GRM5: variants seen among roughly 807,000 people sequenced by gnomAD.
The protein encoded by GRM5 is glutamate metabotropic receptor 5.
A neutral mutation model predicts 83.1 loss-of-function variants in GRM5; 19 were observed. That is an observed-to-expected ratio of 0.23 (90% CI 0.16 to 0.34). GRM5 has a LOEUF of 0.34. GRM5 is among the 10% of genes least tolerant of loss of function. The pLI is 1.00. For missense variants in GRM5, 1,160 were observed against 1,588.3 expected (o/e 0.73, Z 4.58); for synonymous variants, 675 against 633.6 (o/e 1.07, Z -0.98).
chr11:88,947,796 T>C (rs1005903039), intron 2 of GRM5, among the ~76,000 whole-genome samples: 5 of 152,190 alleles, frequency 3.3e-5, no homozygotes, highest in African/African-American at 1.2e-4. Context: ...AGTAAATAAA[T>C]ATCTACTATG....
At chr11:89,060,754 G>A (rs924694076) in intron 1 of GRM5, among the ~76,000 whole-genome samples, 1 of 151,982 alleles carries the variant, frequency 6.6e-6, no homozygotes, top group African/African-American at 2.4e-5. Flanking sequence ...ATGTTTTTTA[G>A]AAACACATTT....
At chr11:88,657,053 GC>G (rs146343126) in intron 3 of GRM5, among the ~76,000 whole-genome samples, 6 of 152,124 alleles carry the variant, frequency 3.9e-5, no homozygotes, top group African/African-American at 1.4e-4. Flanking sequence ...TAAATAAGTT[GC>G]ATGAATAAAG....
intron 1 of GRM5, among the ~76,000 whole-genome samples, chr11:89,065,317 G>A (rs1264651379): frequency 6.8e-6 from 1 of 146,132 alleles, no homozygotes. Flanking sequence ...CACACAGACA[G>A]AGGGAGAGAG....
chr11:88,733,126 C>T (rs1941841199), intron 3 of GRM5, among the ~76,000 whole-genome samples: 1 of 151,918 alleles, frequency 6.6e-6, no homozygotes, highest in Non-Finnish European at 1.5e-5. Context: ...CTACCTTGTA[C>T]TATAACGTGT....
At chr11:88,990,700 G>A in intron 2 of GRM5, among the ~76,000 whole-genome samples, 1 of 150,986 alleles carries the variant, frequency 6.6e-6, no homozygotes, top group African/African-American at 2.4e-5. Flanking sequence ...ATGCAAGGCT[G>A]GTTCAATATA....
chr11:88,554,870 C>T (rs1225262224), intron 8 of GRM5, among the ~76,000 whole-genome samples: 1 of 152,136 alleles, frequency 6.6e-6, no homozygotes, highest in African/African-American at 2.4e-5. Context: ...TAGCAAGCCT[C>T]TTATAATGGC....
At chr11:88,994,737 A>G (rs539096869) in intron 2 of GRM5, among the ~76,000 whole-genome samples, 33 of 151,686 alleles carry the variant, frequency 2.2e-4, no homozygotes, top group Admixed American at 9.2e-4. Context: ...GTTTTTTTAC[A>G]AAATCATTGT....
intron 8 of GRM5, among the ~76,000 whole-genome samples, chr11:88,544,794 AGAG>A (rs754093272): frequency 6.6e-6 from 1 of 152,248 alleles, no homozygotes; most frequent in Non-Finnish European, 1.5e-5. Context: ...ACTCATTACA[AGAG>A]GAGGCTGGAA....
intron 2 of GRM5, among the ~76,000 whole-genome samples, chr11:88,960,887 A>G (rs1057023631): frequency 2.0e-5 from 3 of 152,176 alleles, no homozygotes; most frequent in Non-Finnish European, 2.9e-5. Flanking sequence ...TGATTACATT[A>G]TATATAAAAA....
chr11:88,703,317 T>G (rs1341953530), intron 3 of GRM5, among the ~76,000 whole-genome samples: 1 of 152,114 alleles, frequency 6.6e-6, no homozygotes, highest in Non-Finnish European at 1.5e-5. Flanking sequence ...TTTACTATAC[T>G]CTAAAGAATA....
chr11:88,633,068 A>G (rs143210686), intron 4 of GRM5, among the ~76,000 whole-genome samples: 8 of 152,352 alleles, frequency 5.3e-5, no homozygotes, highest in African/African-American at 1.4e-4. Flanking sequence ...GTTGGCAGAT[A>G]GGTATAGGAG....
chr11:88,893,239 C>G (rs1280255486), intron 2 of GRM5, among the ~76,000 whole-genome samples: 1 of 151,596 alleles, frequency 6.6e-6, no homozygotes, highest in Non-Finnish European at 1.5e-5. Flanking sequence ...CACACCCTGG[C>G]TATATACAAA....
Position 88,508,971 on chromosome 11 carries a change from G to T in GRM5, c.3260C>A (p.Pro1087His), listed in dbSNP as rs1941269154. The T allele has an allele frequency of 6.3e-7, 1 of 1,587,290 alleles. No homozygotes were observed. The highest frequency in any genetic ancestry group is 1.8e-5 in the Admixed American group (1 of 55,782). ...SMMLSTAAPSPGVGAPLCSSY... is the reference protein window; with the variant it reads ...SMMLSTAAPSHGVGAPLCSSY... ...CGAGCAGAGCGGGGCGCCGACGCCG[G>T]GGCTGGGGGCCGCGGTGGACAGCAT... The change falls in exon 10 of 10, where the codon CCC (proline) becomes CAC (histidine). Residue 1087 changes from proline (P) to histidine (H), a missense_variant. Coordinates refer to ENST00000305447, the MANE Select transcript of GRM5 (RefSeq NM_001143831.3). This position sits in a 1 kb window ranked among gnomAD's most constrained non-coding sequence, Gnocchi z 4.2.
At chr11:88,822,172 C>T (rs1312377140) in intron 3 of GRM5, among the ~76,000 whole-genome samples, 1 of 151,938 alleles carries the variant, frequency 6.6e-6, no homozygotes, top group Non-Finnish European at 1.5e-5. Context: ...TAATATATGT[C>T]CTCTGGAATT....
chr11:88,809,626 T>C (rs565182620), intron 3 of GRM5, among the ~76,000 whole-genome samples: 149 of 152,138 alleles, frequency 9.8e-4, no homozygotes, highest in African/African-American at 3.5e-3. Flanking sequence ...ATAATAAACA[T>C]ACACTTGGGC....
chr11:88,748,962 A>G (rs1440691558), intron 3 of GRM5, among the ~76,000 whole-genome samples: 1 of 152,144 alleles, frequency 6.6e-6, no homozygotes, highest in Non-Finnish European at 1.5e-5. Context: ...TCAAAAGTCA[A>G]AGGTAGATCA....
At chr11:88,775,298 AT>A (rs147803104) in intron 3 of GRM5, among the ~76,000 whole-genome samples, 109,263 of 151,336 alleles carry the variant, frequency 0.72, 39,837 homozygotes, top group African/African-American at 0.75. Flanking sequence ...CCCCTTTATC[AT>A]TTTTTATTGC....
At chr11:88,808,123 A>T (rs1351730708) in intron 3 of GRM5, among the ~76,000 whole-genome samples, 3 of 152,024 alleles carry the variant, frequency 2.0e-5, no homozygotes, top group Non-Finnish European at 4.4e-5. Context: ...CATACTGGCA[A>T]TTATTTATAG....
intron 3 of GRM5, among the ~76,000 whole-genome samples, chr11:88,792,732 A>T (rs1341279566): frequency 1.3e-5 from 2 of 152,246 alleles, no homozygotes; most frequent in African/African-American, 4.8e-5. Context: ...ACTATAAGAC[A>T]TGGTTCTGAG....
Sources: allele counts gnomAD v4.1 joint callset (sites outside exome capture counted in the v4.1 genomes callset), GRCh38; gene constraint gnomAD v4.1.1; non-coding constraint Gnocchi (gnomAD v3.1); transcripts MANE v1.5; gene names NCBI Gene and HGNC (gene_info 2026-07-23, HGNC 2026-07-21).